ST3GAL1: variants seen among roughly 807,000 people sequenced by gnomAD.
ST3GAL1 encodes the protein CMP-N-acetylneuraminate-beta-galactosamide-alpha-2,3-sialyltransferase 1.
ST3GAL1 carries 16 observed loss-of-function variants against 34.1 expected under a neutral mutation model. The ratio of observed to expected loss-of-function variants is 0.47; its 90% CI spans 0.32 to 0.71. The LOEUF (loss-of-function observed/expected upper bound fraction) is 0.71. ST3GAL1 is among the 30% of genes least tolerant of loss of function. The pLI, the probability that ST3GAL1 is intolerant of heterozygous loss-of-function variation, is 0.04. For synonymous variants in ST3GAL1, 191 were observed against 184.7 expected (o/e 1.03, Z -0.28); for missense variants, 353 against 447.4 (o/e 0.79, Z 1.90).
rs1815797416 is a variant in ST3GAL1, at chr8:133,467,767, T to C, written c.307-1677A>G. Among the ~76,000 whole-genome samples, 2 of 152,132 alleles carry C rather than the reference T, an allele frequency of 1.3e-5. No individual in the cohort carries two copies. Among genetic ancestry groups the C allele is most frequent in the South Asian group, 4.2e-4 (2 of 4,818 alleles). On this transcript the variant is annotated intron_variant, in intron 5 of 9. Transcript: ENST00000522652. This position sits in a 1 kb window ranked among gnomAD's most constrained non-coding sequence, Gnocchi z 4.2. ...AGTGACCTGGGCATATGTAGGGAGA[T>C]CCCGGGGCACCCAGTCCCCACTGCA...
chr8:133,517,779 C>A (rs1450348823), intron 2 of ST3GAL1, among the ~76,000 whole-genome samples: 9 of 152,236 alleles, frequency 5.9e-5, no homozygotes, highest in Admixed American at 5.9e-4. Context: ...AAAACAATTG[C>A]CCCACAGGCA....
At chr8:133,532,887 G>A (rs12545010) in intron 2 of ST3GAL1, among the ~76,000 whole-genome samples, 48,185 of 152,072 alleles carry the variant, frequency 0.32, 7,806 homozygotes, top group South Asian at 0.45. Context: ...GTTTGGGGAC[G>A]AGAAGCATAG....
intron 2 of ST3GAL1, among the ~76,000 whole-genome samples, chr8:133,507,436 G>A (rs762375670): frequency 3.9e-5 from 6 of 152,230 alleles, no homozygotes; most frequent in Non-Finnish European, 8.8e-5. Context: ...GGTTGGCTTC[G>A]AGTCCTGGCA....
intron 2 of ST3GAL1, among the ~76,000 whole-genome samples, chr8:133,531,972 C>T (rs78482938): frequency 0.014 from 2,186 of 152,222 alleles, 35 homozygotes; most frequent in African/African-American, 0.035. Flanking sequence ...TTTACTCTTT[C>T]ACACTCATTC....
rs920924952 is a variant in ST3GAL1, at chr8:133,457,531, T to G, written c.*2233A>C. ...GTGAGCTCTGCCCTTCGAGGCTGTA[T>G]GTTCTGAATGATGACTCAGTGATTT... On this transcript the variant is annotated 3_prime_UTR_variant, in exon 10 of 10. Coordinates refer to ENST00000522652, the MANE Select transcript of ST3GAL1 (RefSeq NM_173344.3). 1.3e-5 allele frequency: 2 copies of G among 152,232 alleles called. No individual in the cohort carries two copies. Among genetic ancestry groups the G allele is most frequent in the Admixed American group, 6.5e-5 (1 of 15,290 alleles). The allele number at this position is 152,232 out of a possible 1,614,324, so 9.4% of individuals were successfully genotyped here.
chr8:133,513,760 G>A (rs1227002656), intron 2 of ST3GAL1, among the ~76,000 whole-genome samples: 3 of 152,070 alleles, frequency 2.0e-5, no homozygotes, highest in Admixed American at 6.6e-5. Context: ...ATAGCCAGGC[G>A]TGGTGACTTG....
chr8:133,531,908 C>A (rs777747964), intron 2 of ST3GAL1, among the ~76,000 whole-genome samples: 1 of 148,108 alleles, frequency 6.8e-6, no homozygotes, highest in African/African-American at 2.5e-5. Flanking sequence ...CATTAAGATA[C>A]TTCTGGGGAA....
Position 133,461,909 on chromosome 8 carries a change from A to G in ST3GAL1, c.815T>C (p.Leu272Pro), listed in dbSNP as rs1213961931. 1 of 1,614,038 alleles carries G rather than the reference A, an allele frequency of 6.2e-7. No individual in the cohort carries two copies. The part of the protein sequence containing the change: ...GHGRYPSTGI[L>P]SVIFSMHVCD... Reference sequence around the variant, plus strand: ...GACATGCATTGAGAAGATGACCGAGAGGATGCCGGTAGATGGGTATCGCCC... The same window carrying G: ...GACATGCATTGAGAAGATGACCGAGGGGATGCCGGTAGATGGGTATCGCCC... The change falls in exon 9 of 10, where the codon CTC (leucine) becomes CCC (proline). Residue 272 changes from leucine (L) to proline (P), a missense_variant. Physicochemically the swap from Leu to Pro is moderately conservative, Grantham distance 98. Coordinates refer to ENST00000522652, the MANE Select transcript of ST3GAL1 (RefSeq NM_173344.3). The surrounding 1 kb of genome is among the most constrained non-coding windows in gnomAD (Gnocchi z 4.7).
In ST3GAL1 at chr8:133,511,055, G is replaced by A. The variant is rs534763271; in HGVS notation, c.-428-11866C>T. 1.7e-4 allele frequency among the ~76,000 whole-genome samples: 26 copies of A among 152,266 alleles called. 1 individual carries two copies. In the South Asian group the frequency reaches 2.7e-3, roughly 16 times the overall value. On this transcript the variant is annotated intron_variant, in intron 2 of 9. Transcript: ENST00000522652. ...TAGAGGGCAAAGAAATGAAAACCTCGTCATTTTCCTTCTTTAAATCTCCAG... is the reference window on the plus strand; with the variant it reads ...TAGAGGGCAAAGAAATGAAAACCTCATCATTTTCCTTCTTTAAATCTCCAG...
intron 2 of ST3GAL1, among the ~76,000 whole-genome samples, chr8:133,545,378 G>T (rs1312862690): frequency 6.6e-6 from 1 of 152,218 alleles, no homozygotes; most frequent in Non-Finnish European, 1.5e-5. Flanking sequence ...GGCCAGGCTT[G>T]TCCTGTAGGC....
chr8:133,486,679 G>A (rs914161239), intron 3 of ST3GAL1, among the ~76,000 whole-genome samples: 1 of 152,110 alleles, frequency 6.6e-6, no homozygotes, highest in Non-Finnish European at 1.5e-5. Flanking sequence ...TCCTTATGTC[G>A]ATTAAAAAAA....
intron 5 of ST3GAL1, among the ~76,000 whole-genome samples, chr8:133,475,472 A>G (rs1376390180): frequency 6.6e-6 from 1 of 152,206 alleles, no homozygotes. Context: ...TAGATCCTCA[A>G]TAAATAGTGT....
chr8:133,518,586 A>G (rs1008559059), intron 2 of ST3GAL1, among the ~76,000 whole-genome samples: 4 of 152,220 alleles, frequency 2.6e-5, no homozygotes, highest in African/African-American at 7.2e-5. Flanking sequence ...AGGTTTGCCC[A>G]GCACTGCTGG....
At chr8:133,472,980 T>C (rs1022463333) in intron 5 of ST3GAL1, among the ~76,000 whole-genome samples, 18 of 152,148 alleles carry the variant, frequency 1.2e-4, no homozygotes, top group Admixed American at 6.5e-4. Context: ...ATTTCTCCCA[T>C]GTAACACGAA....
chr8:133,504,210 CA>C (rs1817266646), intron 2 of ST3GAL1, among the ~76,000 whole-genome samples: 1 of 152,202 alleles, frequency 6.6e-6, no homozygotes, highest in Non-Finnish European at 1.5e-5. Context: ...GTGCCTTCCC[CA>C]AGGTCATGGA....
chr8:133,494,048 CATTAAT>C (rs1268957568), intron 3 of ST3GAL1, among the ~76,000 whole-genome samples: 1 of 152,138 alleles, frequency 6.6e-6, no homozygotes, highest in Non-Finnish European at 1.5e-5. Flanking sequence ...ACAAAGCAAA[CATTAAT>C]AGCTTCTCAG....
chr8:133,548,201 C>T (rs1563737567), intron 1 of ST3GAL1, among the ~76,000 whole-genome samples: 1 of 152,176 alleles, frequency 6.6e-6, no homozygotes, highest in Non-Finnish European at 1.5e-5. Flanking sequence ...GCCTCCTAGC[C>T]AGTCTTAAAA....
intron 2 of ST3GAL1, among the ~76,000 whole-genome samples, chr8:133,540,166 C>G (rs911677866): frequency 6.6e-6 from 1 of 152,178 alleles, no homozygotes; most frequent in Non-Finnish European, 1.5e-5. Context: ...CCTTCTCTCC[C>G]CATCAGCCTT....
intron 2 of ST3GAL1, among the ~76,000 whole-genome samples, chr8:133,510,919 CTT>C (rs2131011282): frequency 6.6e-6 from 1 of 152,334 alleles, no homozygotes; most frequent in Non-Finnish European, 1.5e-5. Context: ...GGCGGCCAAT[CTT>C]TGGCTCTTTT....
Sources: allele counts gnomAD v4.1 joint callset (sites outside exome capture counted in the v4.1 genomes callset), GRCh38; gene constraint gnomAD v4.1.1; non-coding constraint Gnocchi (gnomAD v3.1); transcripts MANE v1.5; gene names NCBI Gene and HGNC (gene_info 2026-07-23, HGNC 2026-07-21).